MAP2K1: variants seen among roughly 807,000 people sequenced by gnomAD.
MAP2K1 encodes dual specificity mitogen-activated protein kinase kinase 1.
A neutral mutation model predicts 46.3 loss-of-function variants in MAP2K1; 16 were observed. The observed-to-expected ratio is 0.35, with a 90% confidence interval of 0.23 to 0.52. The LOEUF is 0.52. MAP2K1 is among the 20% of genes least tolerant of loss of function. The pLI, the probability that MAP2K1 is intolerant of heterozygous loss-of-function variation, is 0.94. For synonymous variants in MAP2K1, 183 were observed against 185.6 expected (o/e 0.99, Z 0.11); for missense variants, 263 against 497.1 (o/e 0.53, Z 4.48).
chr15:66,437,324 G>A (rs893331008), intron 3 of MAP2K1, among the ~76,000 whole-genome samples: 2 of 152,228 alleles, frequency 1.3e-5, no homozygotes, highest in Admixed American at 6.5e-5. Flanking sequence ...TATGATGCAC[G>A]TTAGTGGAAG....
At chr15:66,396,244 A>G (rs200675473) in intron 1 of MAP2K1, among the ~76,000 whole-genome samples, 1 of 151,686 alleles carries the variant, frequency 6.6e-6, no homozygotes, top group Non-Finnish European at 1.5e-5. Context: ...CGGCCTCCCA[A>G]AGTGCTGGGA....
chr15:66,464,834 A>G (rs1448533842), intron 5 of MAP2K1, among the ~76,000 whole-genome samples: 4 of 151,848 alleles, frequency 2.6e-5, no homozygotes. Flanking sequence ...GGCTGAAAAC[A>G]TTGTTTTAGA....
At chr15:66,454,397 A>G (rs1268725545) in intron 5 of MAP2K1, among the ~76,000 whole-genome samples, 1 of 152,216 alleles carries the variant, frequency 6.6e-6, no homozygotes, top group Non-Finnish European at 1.5e-5. Context: ...CCTCAGGAAA[A>G]TGGAGAAAAC....
intron 3 of MAP2K1, among the ~76,000 whole-genome samples, 184 bp from the exon 4 acceptor site, chr15:66,443,096 T>TC (rs1168280691): frequency 7.0e-6 from 1 of 142,216 alleles, no homozygotes; most frequent in Admixed American, 7.1e-5. Flanking sequence ...TTTTTTTTTT[T>TC]TTTTTTTTTG....
intron 1 of MAP2K1, among the ~76,000 whole-genome samples, chr15:66,418,893 A>T (rs1158974222): frequency 7.6e-6 from 1 of 131,904 alleles, no homozygotes; most frequent in African/African-American, 2.9e-5. Context: ...TGATCCGCCC[A>T]CCTCAGCCTC....
chr15:66,414,684 T>G (rs1389084194), intron 1 of MAP2K1, among the ~76,000 whole-genome samples: 3 of 152,204 alleles, frequency 2.0e-5, no homozygotes, highest in Non-Finnish European at 2.9e-5. Context: ...TCTAGCCCTT[T>G]TACTCACTGC....
At chr15:66,407,394 G>A (rs1285056971) in intron 1 of MAP2K1, among the ~76,000 whole-genome samples, 3 of 152,112 alleles carry the variant, frequency 2.0e-5, no homozygotes, top group Non-Finnish European at 4.4e-5. Context: ...AGAATTTTTA[G>A]GCCATAGTGC....
intron 5 of MAP2K1, among the ~76,000 whole-genome samples, chr15:66,480,971 G>A (rs971425016): frequency 1.4e-4 from 22 of 152,214 alleles, no homozygotes; most frequent in African/African-American, 5.3e-4. Context: ...TGGAAATTTA[G>A]GTCTCTGCAA....
At position 66,421,504 on chromosome 15, in the gene MAP2K1, AT is replaced by A. The variant is rs572406018; in HGVS notation, c.81-13521del. On this transcript the variant is annotated intron_variant, in intron 1 of 10. Coordinates refer to ENST00000307102, the MANE Select transcript of MAP2K1 (RefSeq NM_002755.4). ...ATGGTTTATAATATTCCTAATCCTA[AT>A]TCTATACCATTGTCGCTGGGTGCAG... Among the ~76,000 whole-genome samples, 9 of 151,398 alleles carry A rather than the reference AT, an allele frequency of 5.9e-5. No individual in the cohort carries two copies. The East Asian group carries it at 1.7e-3, about 29-fold the overall frequency.
intron 1 of MAP2K1, among the ~76,000 whole-genome samples, chr15:66,407,754 A>G (rs1402289632): frequency 2.0e-5 from 3 of 152,182 alleles, no homozygotes; most frequent in African/African-American, 7.2e-5. Context: ...AGGCGGGAGG[A>G]TTACTTGAGC....
chr15:66,447,232 C>T (rs575185322), intron 5 of MAP2K1, among the ~76,000 whole-genome samples: 1 of 151,804 alleles, frequency 6.6e-6, no homozygotes, highest in African/African-American at 2.4e-5. Context: ...TTTGACGTCC[C>T]CCTTCTCTCC....
At chr15:66,424,640 A>T (rs554405105) in intron 1 of MAP2K1, among the ~76,000 whole-genome samples, 3 of 151,866 alleles carry the variant, frequency 2.0e-5, no homozygotes, top group African/African-American at 7.2e-5. Flanking sequence ...CTGCTTCTTC[A>T]GCTCTGAACT....
At chr15:66,483,312 C>T (rs1595885415) in intron 6 of MAP2K1, among the ~76,000 whole-genome samples, 2 of 152,272 alleles carry the variant, frequency 1.3e-5, no homozygotes, top group South Asian at 2.1e-4. Context: ...CCCCTCCCCT[C>T]CAGTGACCCA....
At chr15:66,480,243 C>T (rs1025395084) in intron 5 of MAP2K1, among the ~76,000 whole-genome samples, 2 of 152,098 alleles carry the variant, frequency 1.3e-5, no homozygotes, top group African/African-American at 2.4e-5. Flanking sequence ...CGCCCACCAC[C>T]ACTCCTGGCT....
rs574371727 is a variant in MAP2K1, at chr15:66,397,113, T to C, written c.80+9686T>C. Among the ~76,000 whole-genome samples the C allele has an allele frequency of 3.7e-4, 53 of 144,066 alleles. No individual in the cohort carries two copies. The East Asian group carries it at 0.011, about 29-fold the overall frequency. The allele number at this position is 144,066 out of a possible 152,430, so 94.5% of individuals were successfully genotyped here. A position where few individuals can be genotyped will look rare whatever the true frequency, so the allele number is the denominator to read the frequency against. ...TCCGCCTCCTGGGTTCACGCCATTC[T>C]CCTGCCTCAGCTTCCCGAGTAGCTG... On this transcript the variant is annotated intron_variant, in intron 1 of 10. Coordinates refer to ENST00000307102, the MANE Select transcript of MAP2K1 (RefSeq NM_002755.4).
At chr15:66,444,461 A>AG (rs1891808703) in intron 4 of MAP2K1, among the ~76,000 whole-genome samples, 195 bp from the exon 5 acceptor site, 1 of 152,036 alleles carries the variant, frequency 6.6e-6, no homozygotes, top group Non-Finnish European at 1.5e-5. Context: ...TGAACCCGGG[A>AG]GGTGGAGGTT....
intron 5 of MAP2K1, 79 bp from the exon 6 acceptor site, chr15:66,481,676 T>C: frequency 6.5e-7 from 1 of 1,538,814 alleles, no homozygotes; most frequent in Non-Finnish European, 8.9e-7. Flanking sequence ...TCAGGGCTGG[T>C]CTGTGTGGAA....
At chr15:66,444,768 CT>C (rs1383777632) in intron 5 of MAP2K1, 61 bp downstream of exon 5, 19 of 1,322,446 alleles carry the variant, frequency 1.4e-5, no homozygotes, top group African/African-American at 2.9e-5. Flanking sequence ...AAGGCTGTTG[CT>C]TCCTCTTTTT....
chr15:66,406,302 T>G (rs2093396442), intron 1 of MAP2K1, among the ~76,000 whole-genome samples: 1 of 152,206 alleles, frequency 6.6e-6, no homozygotes, highest in Non-Finnish European at 1.5e-5. Flanking sequence ...AGTAAAAGCC[T>G]CAGTGTGGAT....
Sources: gnomAD v4.1 joint callset for allele counts (sites outside exome capture counted in the v4.1 genomes callset) on GRCh38, gnomAD v4.1.1 for gene constraint, MANE v1.5 for transcripts, NCBI Gene and HGNC (gene_info 2026-07-23, HGNC 2026-07-21) for gene names.